PAIP2: variants seen among roughly 807,000 people sequenced by gnomAD.
The protein encoded by PAIP2 is poly(A) binding protein interacting protein 2.
PAIP2 carries 7 observed loss-of-function variants against 14.8 expected under a neutral mutation model. The ratio of observed to expected loss-of-function variants is 0.47; its 90% CI spans 0.27 to 0.89. PAIP2 has a LOEUF of 0.89. Among genes scored for constraint, PAIP2 ranks in the 40% least tolerant of loss-of-function variants. The pLI is 0.13. For missense variants in PAIP2, 122 were observed against 154.7 expected (o/e 0.79, Z 1.12); for synonymous variants, 47 against 45.3 (o/e 1.04, Z -0.15).
intron 3 of PAIP2, among the ~76,000 whole-genome samples, chr5:139,366,917 G>T (rs1757280315): frequency 6.6e-6 from 1 of 152,114 alleles, no homozygotes. Context: ...AAAGTTAGCT[G>T]GGTGTGGTGG....
intron 3 of PAIP2, among the ~76,000 whole-genome samples, chr5:139,365,587 A>G (rs985622624): frequency 1.3e-5 from 2 of 151,996 alleles, no homozygotes; most frequent in African/African-American, 4.8e-5. Context: ...AATCGCTTCA[A>G]CCTGGAAGGC....
At chr5:139,368,552 T>G (rs1757441609) in intron 3 of PAIP2, among the ~76,000 whole-genome samples, 181 bp from the exon 4 acceptor site, 1 of 151,970 alleles carries the variant, frequency 6.6e-6, no homozygotes, top group South Asian at 2.1e-4. Context: ...AAAAAGTTGA[T>G]GTAATTTAAT....
rs1021402440 is a variant in PAIP2 at position 139,349,924 on chromosome 5, C to T, written c.-27+7944C>T. On this transcript the variant is annotated intron_variant, in intron 1 of 3. Transcript: ENST00000265192. Reference sequence around the variant, plus strand: ...GGCTGAGGCAGGAGAATCACTTGAACGCGGGAGGCAGAGGTTACAGTGATC... The same window carrying T: ...GGCTGAGGCAGGAGAATCACTTGAATGCGGGAGGCAGAGGTTACAGTGATC... Among the ~76,000 whole-genome samples the T allele has an allele frequency of 3.9e-5, 6 of 152,052 alleles. 1 individual carries two copies. Among genetic ancestry groups the T allele is most frequent in the Admixed American group, 1.3e-4 (2 of 15,256 alleles).
At chr5:139,346,691 C>G (rs1756561160) in intron 1 of PAIP2, among the ~76,000 whole-genome samples, 1 of 150,616 alleles carries the variant, frequency 6.6e-6, no homozygotes, top group Non-Finnish European at 1.5e-5. Flanking sequence ...ACCTCCATGT[C>G]CAGCTAATTT....
chr5:139,365,353 G>T (rs966970665), intron 3 of PAIP2, among the ~76,000 whole-genome samples: 3 of 151,734 alleles, frequency 2.0e-5, no homozygotes, highest in Admixed American at 1.3e-4. Context: ...GGGTGTGGTG[G>T]TGCATGCCTG....
chr5:139,350,778 G>A (rs1317829711), intron 1 of PAIP2, among the ~76,000 whole-genome samples: 1 of 152,000 alleles, frequency 6.6e-6, no homozygotes, highest in African/African-American at 2.4e-5. Flanking sequence ...TGAAAGGTTT[G>A]TGCTCCTTGT....
chr5:139,361,117 A>G (rs1757056563), intron 1 of PAIP2, among the ~76,000 whole-genome samples: 1 of 151,998 alleles, frequency 6.6e-6, no homozygotes, highest in Admixed American at 6.6e-5. Flanking sequence ...TATAACTAGG[A>G]CAGAAGTTCC....
chr5:139,360,754 C>A (rs540036027), intron 1 of PAIP2, among the ~76,000 whole-genome samples: 41 of 151,668 alleles, frequency 2.7e-4, no homozygotes, highest in African/African-American at 9.7e-4. Context: ...TGAGCCGCAC[C>A]CAGTTTGTTT....
intron 1 of PAIP2, among the ~76,000 whole-genome samples, chr5:139,351,607 A>G (rs1000772632): frequency 6.6e-6 from 1 of 152,172 alleles, no homozygotes; most frequent in African/African-American, 2.4e-5. Flanking sequence ...GGGAAAAACT[A>G]TATACGCTTT....
intron 3 of PAIP2, 46 bp from the exon 4 acceptor site, chr5:139,368,687 T>A: frequency 7.5e-7 from 1 of 1,327,318 alleles, no homozygotes; most frequent in Non-Finnish European, 1.1e-6. Context: ...AATTAGTACC[T>A]GAAACTGTGT....
intron 1 of PAIP2, among the ~76,000 whole-genome samples, chr5:139,361,351 T>C (rs1387420039): frequency 7.9e-5 from 12 of 152,172 alleles, no homozygotes; most frequent in African/African-American, 2.7e-4. Context: ...TACATATATT[T>C]CCAGTAGGAG....
intron 1 of PAIP2, among the ~76,000 whole-genome samples, chr5:139,362,779 A>G (rs1029283348): frequency 7.9e-5 from 12 of 151,836 alleles, no homozygotes; most frequent in African/African-American, 2.9e-4. Context: ...ACCTTAAATG[A>G]TCCACCTGCC....
At chr5:139,354,818 G>C (rs1203837192) in intron 1 of PAIP2, among the ~76,000 whole-genome samples, 2 of 146,760 alleles carry the variant, frequency 1.4e-5, no homozygotes, top group African/African-American at 5.0e-5. Context: ...CATTTCAGTT[G>C]TACCTTTTTT....
intron 1 of PAIP2, among the ~76,000 whole-genome samples, chr5:139,352,512 T>A (rs1561959102): frequency 6.7e-6 from 1 of 149,568 alleles, no homozygotes; most frequent in Non-Finnish European, 1.5e-5. Flanking sequence ...GTTTTTTTTT[T>A]TTGAGATGGA....
intron 1 of PAIP2, among the ~76,000 whole-genome samples, chr5:139,350,658 A>T (rs574935511): frequency 2.3e-4 from 35 of 152,020 alleles, no homozygotes; most frequent in Admixed American, 3.9e-4. Flanking sequence ...AATAAATAAA[A>T]AATTGAAATA....
intron 2 of PAIP2, among the ~76,000 whole-genome samples, chr5:139,364,226 C>T (rs1041403067): frequency 6.6e-6 from 1 of 152,112 alleles, no homozygotes; most frequent in Non-Finnish European, 1.5e-5. Context: ...AAACCACTGC[C>T]TTATGCCAGT....
At chr5:139,359,228 C>T (rs1222595106) in intron 1 of PAIP2, among the ~76,000 whole-genome samples, 2 of 152,124 alleles carry the variant, frequency 1.3e-5, no homozygotes, top group Non-Finnish European at 2.9e-5. Context: ...CCTCTACCTC[C>T]TGGGTTCAAG....
chr5:139,346,903 A>G (rs1303205236), intron 1 of PAIP2, among the ~76,000 whole-genome samples: 1 of 151,948 alleles, frequency 6.6e-6, no homozygotes, highest in Non-Finnish European at 1.5e-5. Context: ...TCTGCCTCCC[A>G]GGTTCAAGCA....
At chr5:139,346,488 G>A (rs1320448004) in intron 1 of PAIP2, among the ~76,000 whole-genome samples, 1 of 148,542 alleles carries the variant, frequency 6.7e-6, no homozygotes, top group African/African-American at 2.5e-5. Flanking sequence ...CCACCCCCTT[G>A]GCCTCCCAAA....
Sources: allele counts gnomAD v4.1 joint callset (sites outside exome capture counted in the v4.1 genomes callset), GRCh38; gene constraint gnomAD v4.1.1; transcripts MANE v1.5; gene names NCBI Gene and HGNC (gene_info 2026-07-23, HGNC 2026-07-21).